Variants in OPCML observed in about 807,000 individuals in gnomAD.
OPCML encodes the protein opioid-binding protein/cell adhesion molecule.
OPCML carries 13 observed loss-of-function variants against 37.8 expected under a neutral mutation model. The ratio of observed to expected loss-of-function variants is 0.34; its 90% CI spans 0.22 to 0.55. The LOEUF is 0.55. Ranked by LOEUF, OPCML falls within the 20% of genes least tolerant of loss-of-function variation. The pLI is 0.91. For missense variants in OPCML, 341 were observed against 435.6 expected, an observed-to-expected ratio of 0.78 and a Z score of 1.93; for synonymous variants, 176 against 168.8, an observed-to-expected ratio of 1.04 and a Z score of -0.33.
chr11:133,315,580 C>T (rs1275976074), intron 1 of OPCML, among the ~76,000 whole-genome samples: 1 of 152,220 alleles, frequency 6.6e-6, no homozygotes, highest in Admixed American at 6.5e-5. Context: ...GGGTGGATTA[C>T]TTGAGGTCAA....
At chr11:132,910,341 G>A (rs1329949585) in intron 2 of OPCML, among the ~76,000 whole-genome samples, 1 of 152,264 alleles carries the variant, frequency 6.6e-6, no homozygotes, top group Admixed American at 6.5e-5. Flanking sequence ...AGCAACGGCA[G>A]AGACCTGCAG....
chr11:133,427,020 C>G (rs1320044599), intron 1 of OPCML, among the ~76,000 whole-genome samples: 1 of 152,158 alleles, frequency 6.6e-6, no homozygotes, highest in Non-Finnish European at 1.5e-5. Context: ...TGAGGCAAAA[C>G]TAGCAGAAGT....
chr11:133,382,381 C>T (rs1043767937), intron 1 of OPCML, among the ~76,000 whole-genome samples: 26 of 152,204 alleles, frequency 1.7e-4, no homozygotes, highest in Non-Finnish European at 2.5e-4. Flanking sequence ...TGACCTCATT[C>T]GTGAGCGATT....
chr11:132,821,690 T>A (rs1216670732), intron 2 of OPCML, among the ~76,000 whole-genome samples: 1 of 152,228 alleles, frequency 6.6e-6, no homozygotes, highest in Non-Finnish European at 1.5e-5. Flanking sequence ...TTGTGCTGAC[T>A]TCGACACTTT....
chr11:133,062,071 T>C (rs779442733), intron 1 of OPCML, among the ~76,000 whole-genome samples: 5 of 152,206 alleles, frequency 3.3e-5, no homozygotes, highest in Non-Finnish European at 7.3e-5. Context: ...ACTGTTAGCC[T>C]GGCCTAAGCT....
intron 1 of OPCML, among the ~76,000 whole-genome samples, chr11:132,987,014 T>C (rs1946692590): frequency 6.6e-6 from 1 of 152,142 alleles, no homozygotes; most frequent in Non-Finnish European, 1.5e-5. Context: ...AGCACAGGAC[T>C]TCAAGACGGG....
At chr11:133,343,904 C>T (rs531357574) in intron 1 of OPCML, among the ~76,000 whole-genome samples, 9 of 152,270 alleles carry the variant, frequency 5.9e-5, no homozygotes, top group Admixed American at 1.3e-4. Context: ...TTAAAAAAAG[C>T]GCTATAAATG....
intron 1 of OPCML, chr11:133,024,689 T>C (rs775527504): frequency 2.2e-4 from 186 of 829,494 alleles, no homozygotes; most frequent in Non-Finnish European, 2.6e-4. Flanking sequence ...ATGAAAGTGG[T>C]GGGGGATGGG....
chr11:133,229,512 A>T (rs1400281244), intron 1 of OPCML, among the ~76,000 whole-genome samples: 2 of 152,096 alleles, frequency 1.3e-5, no homozygotes, highest in Non-Finnish European at 2.9e-5. Context: ...AGAAAAATGA[A>T]CAATTTAAAG....
rs116798012 is a variant in OPCML, at chr11:132,885,884, G to A, written c.146+57042C>T. Among the ~76,000 whole-genome samples the A allele has an allele frequency of 4.0e-3, 615 of 152,064 alleles. 5 individuals are homozygous for A. The highest frequency in any genetic ancestry group is 0.014 in the African/African-American group (570 of 41,472). ...CCCCTATCCAGTTAACCACTTCATCGTTTCTCCTGTATCCTTTCAGAAATG... is the reference window on the plus strand; with the variant it reads ...CCCCTATCCAGTTAACCACTTCATCATTTCTCCTGTATCCTTTCAGAAATG... On this transcript the variant is annotated intron_variant, in intron 2 of 7. Transcript: ENST00000524381.
At chr11:133,465,063 C>T (rs1428186519) in intron 1 of OPCML, among the ~76,000 whole-genome samples, 1 of 152,192 alleles carries the variant, frequency 6.6e-6, no homozygotes, top group African/African-American at 2.4e-5. Flanking sequence ...TGGTTTCAAA[C>T]AAGACAGATG....
At chr11:132,632,510 A>C (rs1940215929) in intron 3 of OPCML, among the ~76,000 whole-genome samples, 1 of 152,034 alleles carries the variant, frequency 6.6e-6, no homozygotes, top group Non-Finnish European at 1.5e-5. Context: ...TGGAGCAGGG[A>C]CTTCAAGTGA....
chr11:132,540,327 C>A (rs1216939083), intron 3 of OPCML, among the ~76,000 whole-genome samples: 2 of 152,152 alleles, frequency 1.3e-5, no homozygotes, highest in Non-Finnish European at 2.9e-5. Flanking sequence ...TCTCAGTATT[C>A]CAGGTGCCTC....
chr11:133,173,958 C>A lies in OPCML; in HGVS notation c.62-230948G>T, dbSNP rs1367934030. On this transcript the variant is annotated intron_variant, in intron 1 of 7. Coordinates refer to ENST00000524381, the MANE Select transcript of OPCML (RefSeq NM_001012393.5). This position sits in a 1 kb window ranked among gnomAD's most constrained non-coding sequence, Gnocchi z 7.8. The stretch of plus-strand genomic sequence containing the variant: ...CTCCCTCCATCCATTCTACAAGGAT[C>A]CCCAGTCAGCCAATGCACCGGGACG... Among the ~76,000 whole-genome samples the A allele has an allele frequency of 1.3e-5, 2 of 152,192 alleles. No individual in the cohort carries two copies. The highest frequency in any genetic ancestry group is 2.9e-5 in the Non-Finnish European group (2 of 68,030).
At chr11:132,627,092 C>T (rs1363382553) in intron 3 of OPCML, among the ~76,000 whole-genome samples, 1 of 151,684 alleles carries the variant, frequency 6.6e-6, no homozygotes, top group African/African-American at 2.4e-5. Flanking sequence ...ATTTTAGTAG[C>T]AAACGAGAGG....
At chr11:133,193,955 T>C (rs1049145866) in intron 1 of OPCML, among the ~76,000 whole-genome samples, 60 of 152,200 alleles carry the variant, frequency 3.9e-4, no homozygotes, top group Non-Finnish European at 1.5e-4. Flanking sequence ...ATACAAGCTA[T>C]TACTTTAGAA....
chr11:133,436,413 T>C (rs1002918174), intron 1 of OPCML, among the ~76,000 whole-genome samples: 1 of 152,158 alleles, frequency 6.6e-6, no homozygotes, highest in Non-Finnish European at 1.5e-5. Flanking sequence ...GCTTTTATAT[T>C]GATAGAATTC....
chr11:133,086,098 C>A (rs1037728282), intron 1 of OPCML, among the ~76,000 whole-genome samples: 3 of 152,168 alleles, frequency 2.0e-5, no homozygotes, highest in African/African-American at 7.2e-5. Context: ...TCATATATTT[C>A]AAATATGCAG....
chr11:133,253,815 CTTCCCTTCCCTTCCA>C (rs1467167001), intron 1 of OPCML, among the ~76,000 whole-genome samples: 1,447 of 71,890 alleles, frequency 0.02, 27 homozygotes, highest in African/African-American at 0.066. Flanking sequence ...TTTTTCCCTC[CTTCCCTTCCCTTCCA>C]TTCCCTTCCC....
Sources: allele counts gnomAD v4.1 joint callset (sites outside exome capture counted in the v4.1 genomes callset), GRCh38; gene constraint gnomAD v4.1.1; non-coding constraint Gnocchi (gnomAD v3.1); transcripts MANE v1.5; gene names NCBI Gene and HGNC (gene_info 2026-07-23, HGNC 2026-07-21).